The following UBR4 variants were observed in gnomAD, a reference collection of about 807,000 sequenced individuals.
The protein encoded by UBR4 is ubiquitin protein ligase E3 component n-recognin 4.
In UBR4, 124 loss-of-function variants were observed where a neutral mutation model predicts 575.6. The observed-to-expected ratio is 0.22, with a 90% confidence interval of 0.19 to 0.25. The LOEUF (loss-of-function observed/expected upper bound fraction) is 0.25, where lower values mean the gene tolerates loss of function less well. Ranked by LOEUF, UBR4 falls within the 10% of genes least tolerant of loss-of-function variation. The pLI is 1.00. For missense variants in UBR4, 4,818 were observed against 6,478.8 expected (o/e 0.74, Z 8.80); for synonymous variants, 2,455 against 2,473.7 (o/e 0.99, Z 0.22).
At chr1:19,082,708 A>C (rs777282132) in intron 102 of UBR4, among the ~76,000 whole-genome samples, 4 of 152,224 alleles carry the variant, frequency 2.6e-5, no homozygotes, top group Non-Finnish European at 4.4e-5. Flanking sequence ...AAGCAGGAGG[A>C]GAGGGTGCAA....
At chr1:19,114,998 G>T in intron 74 of UBR4, 49 bp from the exon 75 acceptor site, 1 of 1,612,002 alleles carries the variant, frequency 6.2e-7, no homozygotes, top group South Asian at 1.1e-5. Flanking sequence ...GCTGGGTGGG[G>T]TGGGGGTCAC....
Position 19,141,630 on chromosome 1 carries a change from T to C in UBR4, c.8310+17A>G. ...TGTGAAGCTCCTCCTCCCCTTCTCC[T>C]GCTGCCAGAGACTCACCACCATCTC... On this transcript the variant is annotated intron_variant, in intron 56 of 105. Coordinates refer to ENST00000375254, the MANE Select transcript of UBR4 (RefSeq NM_020765.3). 1 of 1,613,300 alleles carries C rather than the reference T, an allele frequency of 6.2e-7. No individual in the cohort carries two copies. The highest frequency in any genetic ancestry group is 2.2e-5 in the East Asian group (1 of 44,882).
Position 19,151,647 on chromosome 1 carries a change from G to C in UBR4, c.7209C>G (p.Leu2403=), listed in dbSNP as rs569493832. The part of the protein sequence containing the change: ...EALQADKKLN[L]FIGASVDPAG... ...CACCAGGGGTTGGTGACTCACTGAA[G>C]AGGTTCAGCTTCTTATCAGCCTGCA... The change falls in exon 48 of 106, where the codon CTC becomes CTG. Residue 2403 remains leucine (L), a synonymous_variant. Coordinates refer to ENST00000375254, the MANE Select transcript of UBR4 (RefSeq NM_020765.3). 1 of 1,614,090 alleles carries C rather than the reference G, an allele frequency of 6.2e-7. No individual in the cohort carries two copies. Among genetic ancestry groups the C allele is most frequent in the African/African-American group, 1.3e-5 (1 of 74,936 alleles).
rs921882925 is a variant in UBR4, at chr1:19,148,495, C to G, written c.7494+68G>C. 150 of 1,586,640 alleles carry G rather than the reference C, an allele frequency of 9.5e-5. 1 individual carries two copies. The highest frequency in any genetic ancestry group is 1.2e-4 in the Non-Finnish European group (137 of 1,155,826). On this transcript the variant is annotated intron_variant, in intron 50 of 105. Transcript: ENST00000375254. ...GTTCTTTAGCTTCGAGGCCTCAGGGCCTCGGGCAACTCCACTGACTTCCTG... is the reference window on the plus strand; with the variant it reads ...GTTCTTTAGCTTCGAGGCCTCAGGGGCTCGGGCAACTCCACTGACTTCCTG...
chr1:19,169,391 G>A (rs1310865446), intron 27 of UBR4, 44 bp downstream of exon 27: 1 of 1,545,824 alleles, frequency 6.5e-7, no homozygotes, highest in Admixed American at 1.9e-5. Context: ...AAGACAGAAT[G>A]GCTAGCACTC....
intron 8 of UBR4, 60 bp from the exon 9 acceptor site, chr1:19,193,617 GA>G (rs2092264320): frequency 6.5e-7 from 1 of 1,537,468 alleles, no homozygotes; most frequent in Non-Finnish European, 8.8e-7. Context: ...CACCAAAGCT[GA>G]AACACAAAAG....
rs776026783 is a variant in UBR4 at position 19,093,509 on chromosome 1, G to C, written c.13938-23C>G. On this transcript the variant is annotated intron_variant, in intron 95 of 105. Coordinates refer to ENST00000375254, the MANE Select transcript of UBR4 (RefSeq NM_020765.3). This position sits in a 1 kb window ranked among gnomAD's most constrained non-coding sequence, Gnocchi z 4.8. ...TATCTAGGAGGAAAGAGCAGAGTTT[G>C]AGGGTGTGAAAGGCGGGACAAAACC... 1.9e-6 allele frequency: 3 copies of C among 1,611,692 alleles called. No homozygotes were observed. Among genetic ancestry groups the C allele is most frequent in the Admixed American group, 1.7e-5 (1 of 59,902 alleles).
chr1:19,149,148 G>A (rs900084298), intron 49 of UBR4, among the ~76,000 whole-genome samples: 2 of 152,152 alleles, frequency 1.3e-5, no homozygotes, highest in Non-Finnish European at 2.9e-5. Context: ...CATTCAAGGG[G>A]TAAATACAAA....
At chr1:19,186,970 T>C (rs1459965500) in intron 13 of UBR4, among the ~76,000 whole-genome samples, 194 bp downstream of exon 13, 1 of 151,888 alleles carries the variant, frequency 6.6e-6, no homozygotes, top group Admixed American at 6.6e-5. Context: ...AATGTTTGGA[T>C]AGATTCAACC....
At position 19,088,806 on chromosome 1, in the gene UBR4, T is replaced by G; in HGVS notation, c.14383A>C (p.Met4795Leu). 6.2e-7 allele frequency: 1 copy of G among 1,614,102 alleles called. No homozygotes were observed. The highest frequency in any genetic ancestry group is 8.5e-7 in the Non-Finnish European group (1 of 1,180,032). The change falls in exon 98 of 106, where the codon ATG (methionine) becomes CTG (leucine). Residue 4795 changes from methionine (M) to leucine (L), a missense_variant. Transcript: ENST00000375254. The surrounding 1 kb of genome is among the most constrained non-coding windows in gnomAD (Gnocchi z 4.0). The stretch of plus-strand genomic sequence containing the variant: ...GCCTTCTGCCTCATTGCCATGGCCA[T>G]GCGCTTCTTCTCTGCCCGGGTCTCC... ...RRETRAEKKRMAMAMRQKALG... is the reference protein window; with the variant it reads ...RRETRAEKKRLAMAMRQKALG...
intron 64 of UBR4, among the ~76,000 whole-genome samples, chr1:19,125,406 C>T (rs1030591621): frequency 3.9e-5 from 6 of 152,250 alleles, no homozygotes; most frequent in Non-Finnish European, 7.4e-5. Context: ...CAGGGTGCTC[C>T]GGGAACCCAG....
intron 60 of UBR4, 123 bp downstream of exon 60, chr1:19,137,884 C>T (rs1482043362): frequency 2.7e-6 from 3 of 1,121,362 alleles, no homozygotes; most frequent in African/African-American, 1.6e-5. Flanking sequence ...AAGTTTACAC[C>T]TTTATATTTC....
At chr1:19,107,059 G>A in intron 81 of UBR4, 93 bp from the exon 82 acceptor site, 10 of 1,534,556 alleles carry the variant, frequency 6.5e-6, no homozygotes, top group Non-Finnish European at 8.8e-6. Flanking sequence ...AGGGGGTGAT[G>A]TGCAAAGGCA....
chr1:19,144,210 A>C, intron 54 of UBR4, 119 bp from the exon 55 acceptor site: 1 of 841,292 alleles, frequency 1.2e-6, no homozygotes. Context: ...CTCTACTCTC[A>C]CCTGCAACCC....
intron 104 of UBR4, 135 bp downstream of exon 104, chr1:19,077,837 GTTGT>G (rs1409147232): frequency 2.6e-6 from 4 of 1,551,188 alleles, no homozygotes; most frequent in Admixed American, 1.9e-5. Flanking sequence ...CACAGTTGGG[GTTGT>G]TTGTTTCTAG....
chr1:19,098,178 T>C (rs551467766), intron 90 of UBR4, among the ~76,000 whole-genome samples: 2 of 152,326 alleles, frequency 1.3e-5, no homozygotes, highest in East Asian at 1.9e-4. Context: ...GAAAGGCCAG[T>C]TGCAGAAGTG....
chr1:19,165,333 T>C lies in UBR4; in HGVS notation c.4228A>G (p.Ile1410Val), dbSNP rs752753433. 3.7e-6 allele frequency: 6 copies of C among 1,614,082 alleles called. No homozygotes were observed. Among genetic ancestry groups the C allele is most frequent in the Non-Finnish European group, 5.1e-6 (6 of 1,179,978 alleles). ...FFSDSGELVQ[I>V]MMATANENLS... ...TTCTCATTGGCTGTTGCCATCATGA[T>C]CTGTACAAGTTCTCCACTGGGAGGC... The change falls in exon 31 of 106, where the codon ATC (isoleucine) becomes GTC (valine). Residue 1410 changes from isoleucine (I) to valine (V), a missense_variant. By Grantham distance (29) the Ile-to-Val change is conservative. Transcript: ENST00000375254.
Position 19,078,108 on chromosome 1 carries a change from AGGATACTCACAAGGACAG to A in UBR4, c.15234-60_15234-43del, listed in dbSNP as rs751477162. The stretch of plus-strand genomic sequence containing the variant: ...AGTTCCATCACATGAAGTCCCTAGG[AGGATACTCACAAGGACAG>A]AGCAAGGCATGCTGGGAGCAAGGGA... On this transcript the variant is annotated intron_variant, in intron 103 of 105. Coordinates refer to ENST00000375254, the MANE Select transcript of UBR4 (RefSeq NM_020765.3). 8 of 1,597,872 alleles carry A rather than the reference AGGATACTCACAAGGACAG, an allele frequency of 5.0e-6. No homozygotes were observed. In the East Asian group the frequency reaches 1.8e-4, roughly 36 times the overall value.
At chr1:19,183,571 A>T (rs971912069) in intron 17 of UBR4, among the ~76,000 whole-genome samples, 1 of 152,154 alleles carries the variant, frequency 6.6e-6, no homozygotes, top group Admixed American at 6.5e-5. Context: ...AAAATACAAA[A>T]ATTAGCCAGC....
Sources: gnomAD v4.1 joint callset for allele counts (sites outside exome capture counted in the v4.1 genomes callset) on GRCh38, gnomAD v4.1.1 for gene constraint, Gnocchi (gnomAD v3.1) non-coding constraint, MANE v1.5 for transcripts, NCBI Gene and HGNC (gene_info 2026-07-23, HGNC 2026-07-21) for gene names.